Variants in VPS50 observed in about 807,000 individuals in gnomAD.
VPS50 encodes syndetin.
A neutral mutation model predicts 139.7 loss-of-function variants in VPS50; 70 were observed. The ratio of observed to expected loss-of-function variants is 0.50; its 90% CI spans 0.41 to 0.61. The LOEUF (loss-of-function observed/expected upper bound fraction) is 0.61. VPS50 is among the 20% of genes least tolerant of loss of function. The probability of loss-of-function intolerance (pLI) is 0.00; values close to 1 mark genes in which losing one functional copy is unlikely to be tolerated. For synonymous variants in VPS50, 365 were observed against 376.7 expected, an observed-to-expected ratio of 0.97 and a Z score of 0.36; for missense variants, 921 against 1,133.7, an observed-to-expected ratio of 0.81 and a Z score of 2.69.
At position 93,239,898 on chromosome 7, in the gene VPS50, T is replaced by C. The variant is rs746641794; in HGVS notation, c.66T>C (p.Asp22=). The C allele has an allele frequency of 3.7e-6, 6 of 1,607,786 alleles. No homozygotes were observed. Among genetic ancestry groups the C allele is most frequent in the Non-Finnish European group, 5.1e-6 (6 of 1,174,728 alleles). Reference sequence around the variant, plus strand: ...AAAGCCCTCAAGAAAGCCTCAGTGATCTTGGTGCCATAGAGAGTCTCCGGG... The same window carrying C: ...AAAGCCCTCAAGAAAGCCTCAGTGACCTTGGTGCCATAGAGAGTCTCCGGG... ...GLKSPQESLS[D]LGAIESLRVP... Residue 22 remains aspartate (D), a synonymous_variant, in exon 2 of 28, where the codon GAT becomes GAC. Transcript: ENST00000305866.
At chr7:93,322,214 T>C (rs1436213440) in intron 20 of VPS50, among the ~76,000 whole-genome samples, 2 of 152,262 alleles carry the variant, frequency 1.3e-5, no homozygotes, top group African/African-American at 4.8e-5. Context: ...TACTGAGTTC[T>C]TAAATGGTTT....
chr7:93,355,265 A>G (rs1798673815), intron 26 of VPS50, among the ~76,000 whole-genome samples: 1 of 152,158 alleles, frequency 6.6e-6, no homozygotes, highest in African/African-American at 2.4e-5. Flanking sequence ...TGACTTAATG[A>G]GCAATAAAGT....
At chr7:93,249,717 C>T (rs756200682) in intron 2 of VPS50, among the ~76,000 whole-genome samples, 2 of 152,136 alleles carry the variant, frequency 1.3e-5, no homozygotes, top group African/African-American at 2.4e-5. Context: ...CTCATTTCCT[C>T]CCCTCCCTCA....
rs754143826 is a variant in VPS50, at chr7:93,255,255, C to A, written c.298-1254C>A. ...GCTTGTTTTCCTGCAGTTAGACGGT[C>A]CCATCTGATGGGAGACAGTGACAGA... On this transcript the variant is annotated intron_variant, in intron 4 of 27. Coordinates refer to ENST00000305866, the MANE Select transcript of VPS50 (RefSeq NM_017667.4). 5.7e-4 allele frequency among the ~76,000 whole-genome samples: 87 copies of A among 152,100 alleles called. 1 individual carries two copies. Among genetic ancestry groups the A allele is most frequent in the Non-Finnish European group, 1.2e-3 (80 of 68,034 alleles).
chr7:93,289,426 T>C (rs919534116), intron 12 of VPS50, among the ~76,000 whole-genome samples: 4 of 152,124 alleles, frequency 2.6e-5, no homozygotes, highest in African/African-American at 4.8e-5. Flanking sequence ...ATCAGCTCTT[T>C]ATTGTGAATA....
intron 20 of VPS50, among the ~76,000 whole-genome samples, chr7:93,313,262 C>T (rs1797324891): frequency 6.6e-6 from 1 of 152,150 alleles, no homozygotes; most frequent in African/African-American, 2.4e-5. Context: ...CCGCAGGAAG[C>T]ACTGCAAGTC....
intron 10 of VPS50, among the ~76,000 whole-genome samples, chr7:93,271,835 A>G (rs1357275176): frequency 6.6e-6 from 1 of 151,790 alleles, no homozygotes; most frequent in Non-Finnish European, 1.5e-5. Flanking sequence ...AATTATTTGT[A>G]TTTGGTTTCT....
chr7:93,331,865 T>C lies in VPS50; in HGVS notation c.1978-2252T>C, dbSNP rs111840012. Among the ~76,000 whole-genome samples the C allele has an allele frequency of 5.9e-3, 898 of 152,310 alleles. 11 individuals carry two copies. Among genetic ancestry groups the C allele is most frequent in the African/African-American group, 0.021 (867 of 41,566 alleles). On this transcript the variant is annotated intron_variant, in intron 21 of 27. Coordinates refer to ENST00000305866, the MANE Select transcript of VPS50 (RefSeq NM_017667.4). ...TTACACAAAGTGTAAACAACTCTTA[T>C]AACTCAATAAGAAAACAACCCACGT...
intron 2 of VPS50, among the ~76,000 whole-genome samples, chr7:93,246,909 T>G (rs934984017): frequency 1.3e-5 from 2 of 151,962 alleles, no homozygotes; most frequent in Non-Finnish European, 2.9e-5. Flanking sequence ...CAAATTGTTT[T>G]ACATAGCTGA....
At chr7:93,334,307 A>C in intron 22 of VPS50, 110 bp downstream of exon 22, 1 of 675,852 alleles carries the variant, frequency 1.5e-6, no homozygotes, top group Non-Finnish European at 2.6e-6. Context: ...CTGAGTCCTC[A>C]GAATTAAATG....
chr7:93,348,278 G>C (rs1798460716), intron 23 of VPS50, among the ~76,000 whole-genome samples: 1 of 152,178 alleles, frequency 6.6e-6, no homozygotes, highest in Non-Finnish European at 1.5e-5. Context: ...TGCCTATTAG[G>C]AATGTTGGGG....
At chr7:93,338,129 A>G (rs1205898224) in intron 22 of VPS50, among the ~76,000 whole-genome samples, 1 of 152,110 alleles carries the variant, frequency 6.6e-6, no homozygotes, top group Non-Finnish European at 1.5e-5. Flanking sequence ...CTAAGAAGAA[A>G]GTTGAGAGCA....
rs1489640968 is a variant in VPS50 at position 93,347,179 on chromosome 7, A to C, written c.2208-1532A>C. Among the ~76,000 whole-genome samples, 2 of 148,626 alleles carry C rather than the reference A, an allele frequency of 1.3e-5. 1 individual carries two copies. Among genetic ancestry groups the C allele is most frequent in the East Asian group, 4.5e-4 (2 of 4,400 alleles). ...AAGTGGGCAAAGGATATAAATAGAC[A>C]CTTCTCAAAAGAAGACATTTATGCA... is the stretch of plus-strand genomic sequence containing the variant. On this transcript the variant is annotated intron_variant, in intron 23 of 27. Transcript: ENST00000305866.
In VPS50 at chr7:93,258,250, A is replaced by G; in HGVS notation, c.514A>G (p.Lys172Glu). 2 of 1,594,212 alleles carry G rather than the reference A, an allele frequency of 1.3e-6. No homozygotes were observed. The highest frequency in any genetic ancestry group is 8.6e-7 in the Non-Finnish European group (1 of 1,162,050). The change falls in exon 7 of 28, where the codon AAA (lysine) becomes GAA (glutamate). Residue 172 changes from lysine (K) to glutamate (E), a missense_variant. By Grantham distance (56) the Lys-to-Glu change is moderately conservative (BLOSUM62 1). Around this residue, in one of 3 missense-constraint regions of VPS50, gnomAD observed 744 missense variants for 930.6 expected, o/e 0.80. Coordinates refer to ENST00000305866, the MANE Select transcript of VPS50 (RefSeq NM_017667.4). ...RKRQLLIGLL[K>E]SLRTIKTLQR... ...ACGTCAGTTGCTGATTGGACTTCTG[A>G]AATCTCTGAGAACTATAAAAACATT...
At chr7:93,238,190 C>T (rs1584372683) in intron 1 of VPS50, among the ~76,000 whole-genome samples, 1 of 152,166 alleles carries the variant, frequency 6.6e-6, no homozygotes, top group African/African-American at 2.4e-5. Context: ...GCTATTCCCT[C>T]ATGACTGTTG....
chr7:93,299,641 A>T (rs564255464), intron 16 of VPS50, among the ~76,000 whole-genome samples: 1 of 152,298 alleles, frequency 6.6e-6, no homozygotes, highest in South Asian at 2.1e-4. Flanking sequence ...TTGGTGGAAC[A>T]TCTACTTATG....
intron 16 of VPS50, among the ~76,000 whole-genome samples, chr7:93,301,564 T>G (rs1024831462): frequency 6.6e-6 from 1 of 152,194 alleles, no homozygotes; most frequent in African/African-American, 2.4e-5. Context: ...TTTAAATTAC[T>G]GTGTAATAAA....
At chr7:93,330,613 G>A (rs189958078) in intron 21 of VPS50, among the ~76,000 whole-genome samples, 414 of 152,096 alleles carry the variant, frequency 2.7e-3, no homozygotes, top group Middle Eastern at 0.01. Flanking sequence ...AATTAGCCAA[G>A]TGTGGTGGCT....
At chr7:93,260,644 T>C (rs1399423602) in intron 9 of VPS50, among the ~76,000 whole-genome samples, 1 of 152,070 alleles carries the variant, frequency 6.6e-6, no homozygotes, top group African/African-American at 2.4e-5. Flanking sequence ...TTTTTTTTTT[T>C]CTTTAAAATG....
Sources: gnomAD v4.1 joint callset for allele counts (sites outside exome capture counted in the v4.1 genomes callset) on GRCh38, gnomAD v4.1.1 for gene constraint, gnomAD v4.1.1 regional missense constraint, MANE v1.5 for transcripts, NCBI Gene and HGNC (gene_info 2026-07-23, HGNC 2026-07-21) for gene names.